The following SHLD2 variants were observed in gnomAD, a reference collection of about 807,000 sequenced individuals.
The protein encoded by SHLD2 is RINN1-REV7-interacting novel NHEJ regulator 2.
A neutral mutation model predicts 73.2 loss-of-function variants in SHLD2; 30 were observed. The observed-to-expected ratio is 0.41, with a 90% confidence interval of 0.31 to 0.56. The LOEUF is 0.56. SHLD2 is among the 20% of genes least tolerant of loss of function. The pLI is 0.28. For synonymous variants in SHLD2, 285 were observed against 370.1 expected, an observed-to-expected ratio of 0.77 and a Z score of 2.64; for missense variants, 745 against 1,055.9, an observed-to-expected ratio of 0.71 and a Z score of 4.08.
intron 2 of SHLD2, among the ~76,000 whole-genome samples, chr10:87,098,009 G>C (rs554140718): frequency 6.6e-6 from 1 of 151,902 alleles, no homozygotes; most frequent in Non-Finnish European, 1.5e-5. Context: ...TGATCTGCCC[G>C]CCTTGGCCAC....
chr10:87,146,784 T>C (rs3129366), intron 2 of SHLD2, among the ~76,000 whole-genome samples: 47,672 of 151,154 alleles, frequency 0.32, 8,032 homozygotes, highest in East Asian at 0.73. Flanking sequence ...CCGCCCAGCG[T>C]GGTGGCTCAT....
chr10:87,138,454 T>A (rs547505158), intron 2 of SHLD2, among the ~76,000 whole-genome samples: 40 of 151,106 alleles, frequency 2.6e-4, no homozygotes, highest in African/African-American at 8.0e-4. Context: ...AAATAAAGAC[T>A]TTTGGGACAT....
rs1215601947 is a variant in SHLD2 at position 87,152,482 on chromosome 10, T to G, written c.1128T>G (p.Ile376Met). The change falls in exon 3 of 10, where the codon ATT becomes ATG. Residue 376 changes from isoleucine (I) to methionine (M), a missense_variant. Physicochemically the swap from Ile to Met is conservative, Grantham distance 10 (BLOSUM62 1). Transcript: ENST00000298786. ...SQLNTFHKSA[I>M]KRSCTSEDKV... The stretch of plus-strand genomic sequence containing the variant: ...TAAATACCTTCCACAAAAGTGCTAT[T>G]AAAAGAAGCTGTACCTCTGAAGATA... 1.2e-6 allele frequency: 2 copies of G among 1,611,732 alleles called. No homozygotes were observed. Among genetic ancestry groups the G allele is most frequent in the South Asian group, 2.2e-5 (2 of 90,970 alleles).
At chr10:87,094,811 GC>G, upstream of SHLD2, 1 of 1,475,026 alleles carries the variant, frequency 6.8e-7, no homozygotes, top group South Asian at 1.2e-5. The surrounding 1 kb of genome is among the most constrained non-coding windows in gnomAD (Gnocchi z 6.6). Flanking sequence ...CGCGAAACAG[GC>G]GCGCTTTCTC....
At chr10:87,188,573 G>A (rs113530753) in intron 9 of SHLD2, among the ~76,000 whole-genome samples, 14,794 of 152,210 alleles carry the variant, frequency 0.097, 922 homozygotes, top group Admixed American at 0.14. Context: ...GAGCCTGTGA[G>A]GATGCAGATG....
At chr10:87,162,739 A>G (rs1430485602) in intron 4 of SHLD2, among the ~76,000 whole-genome samples, 2 of 152,194 alleles carry the variant, frequency 1.3e-5, no homozygotes, top group Non-Finnish European at 2.9e-5. Flanking sequence ...TGGCTATCAA[A>G]TATAACTTAT....
At chr10:87,153,319 T>C (rs989214149) in intron 3 of SHLD2, among the ~76,000 whole-genome samples, 2 of 152,170 alleles carry the variant, frequency 1.3e-5, no homozygotes, top group African/African-American at 2.4e-5. Context: ...CGCGAGAGGA[T>C]TGCTTGAGCC....
At chr10:87,114,661 G>A (rs1244573195) in intron 2 of SHLD2, among the ~76,000 whole-genome samples, 7 of 152,128 alleles carry the variant, frequency 4.6e-5, no homozygotes, top group Non-Finnish European at 8.8e-5. Flanking sequence ...GGAGGTGGAG[G>A]TTGCAGTGAG....
At chr10:87,133,558 CCATT>C (rs1844585402) in intron 2 of SHLD2, among the ~76,000 whole-genome samples, 1 of 152,100 alleles carries the variant, frequency 6.6e-6, no homozygotes, top group Non-Finnish European at 1.5e-5. Context: ...GTTCTTTTTA[CCATT>C]CATTAAGAAC....
At chr10:87,106,397 A>AT (rs1238303655) in intron 2 of SHLD2, among the ~76,000 whole-genome samples, 7 of 146,340 alleles carry the variant, frequency 4.8e-5, no homozygotes, top group African/African-American at 1.3e-4. Flanking sequence ...GTGATAATAT[A>AT]TTTTTTTAAC....
At chr10:87,143,949 C>T (rs1364565041) in intron 2 of SHLD2, among the ~76,000 whole-genome samples, 4 of 151,526 alleles carry the variant, frequency 2.6e-5, no homozygotes, top group Admixed American at 2.6e-4. Context: ...CTGCAACCTC[C>T]ACCTCCTGGG....
chr10:87,155,730 CTG>C (rs1846371823), intron 3 of SHLD2, among the ~76,000 whole-genome samples: 1 of 152,062 alleles, frequency 6.6e-6, no homozygotes, highest in African/African-American at 2.4e-5. Flanking sequence ...TCTGCAATCT[CTG>C]TATTTTTTCC....
intron 2 of SHLD2, among the ~76,000 whole-genome samples, chr10:87,148,732 G>A (rs1238507672): frequency 6.6e-6 from 1 of 151,786 alleles, no homozygotes; most frequent in Non-Finnish European, 1.5e-5. Context: ...GACAGAGAGA[G>A]ACCCTAACTC....
At chr10:87,103,754 T>G (rs1842414791) in intron 2 of SHLD2, among the ~76,000 whole-genome samples, 1 of 152,222 alleles carries the variant, frequency 6.6e-6, no homozygotes, top group African/African-American at 2.4e-5. Flanking sequence ...TTTTCCTAAT[T>G]AATGGCAGTT....
At position 87,184,357 on chromosome 10, in the gene SHLD2, A is replaced by C. The variant is rs1340480138; in HGVS notation, c.2400-2728A>C. Among the ~76,000 whole-genome samples the C allele has an allele frequency of 5.3e-5, 8 of 151,956 alleles. No homozygotes were observed. In the East Asian group the frequency reaches 1.4e-3, roughly 26 times the overall value. ...ATTTTTCTCAGGACAGTTTCTCATT[A>C]TGTACCATATCCCACATGCTGCGGG... On this transcript the variant is annotated intron_variant, in intron 8 of 9. Coordinates refer to ENST00000298786, the MANE Select transcript of SHLD2 (RefSeq NM_001330112.2).
At position 87,180,259 on chromosome 10, in the gene SHLD2, A is replaced by G. The variant is rs754182041; in HGVS notation, c.2355A>G (p.Gln785=). The G allele has an allele frequency of 4.2e-5, 67 of 1,612,560 alleles. No individual in the cohort carries two copies. Among genetic ancestry groups the G allele is most frequent in the Non-Finnish European group, 5.2e-5 (61 of 1,178,996 alleles). ...LETDENRIYK[Q]CFSCLPFTMK... ...CAGATGAGAACAGGATCTACAAACA[A>G]TGTTTTAGCTGCTTGCCATTTACTA... Residue 785 remains glutamine, a synonymous_variant, in exon 8 of 10, where the codon CAA becomes CAG. Transcript: ENST00000298786.
chr10:87,094,972 G>A (rs936720497), upstream of SHLD2: 1 of 226,760 alleles, frequency 4.4e-6, no homozygotes. This position sits in a 1 kb window ranked among gnomAD's most constrained non-coding sequence, Gnocchi z 6.6. Context: ...CAGGGCGCCG[G>A]GCCTCCGCCT....
At chr10:87,183,510 T>C (rs4515883) in intron 8 of SHLD2, among the ~76,000 whole-genome samples, 93,378 of 152,058 alleles carry the variant, frequency 0.61, 30,267 homozygotes, top group African/African-American at 0.8. Flanking sequence ...CCATATTTCT[T>C]TTATTAAAAA....
At position 87,152,005 on chromosome 10, in the gene SHLD2, C is replaced by G. The variant is rs752610425; in HGVS notation, c.651C>G (p.Asn217Lys). Residue 217 changes from asparagine (N) to lysine (K), a missense_variant, in exon 3 of 10, where the codon AAC (asparagine) becomes AAG (lysine). By Grantham distance (94) the Asn-to-Lys change is moderately conservative. This residue lies in a region of SHLD2 where 280 missense variants were observed against 353.9 expected (regional missense o/e 0.79). Coordinates refer to ENST00000298786, the MANE Select transcript of SHLD2 (RefSeq NM_001330112.2). ...QNQCLGLFSSNAVDKSRSEAA... is the reference protein window; with the variant it reads ...QNQCLGLFSSKAVDKSRSEAA... ...AGTGTTTGGGATTATTTTCCTCGAA[C>G]GCAGTAGATAAGTCAAGGTCTGAAG... 6.2e-7 allele frequency: 1 copy of G among 1,611,796 alleles called. No homozygotes were observed. Among genetic ancestry groups the G allele is most frequent in the Non-Finnish European group, 8.5e-7 (1 of 1,179,814 alleles).
Sources: gnomAD v4.1 joint callset for allele counts (sites outside exome capture counted in the v4.1 genomes callset) on GRCh38, gnomAD v4.1.1 for gene constraint, gnomAD v4.1.1 regional missense constraint, Gnocchi (gnomAD v3.1) non-coding constraint, MANE v1.5 for transcripts, NCBI Gene and HGNC (gene_info 2026-07-23, HGNC 2026-07-21) for gene names.